The following NCK2 variants were observed in gnomAD, a reference collection of about 807,000 sequenced individuals.
The protein encoded by NCK2 is NCK adaptor protein 2, also known as cytoplasmic protein NCK2.
Under a neutral mutation model 33.9 loss-of-function variants are expected in NCK2, and 16 were observed. The ratio of observed to expected loss-of-function variants is 0.47; its 90% confidence interval spans 0.32 to 0.72. NCK2 has a LOEUF of 0.72. Among genes scored for constraint, NCK2 ranks in the 30% least tolerant of loss-of-function variants. NCK2 has a pLI of 0.03. For synonymous variants in NCK2, 273 were observed against 239.9 expected (o/e 1.14, Z -1.27); for missense variants, 418 against 537.3 (o/e 0.78, Z 2.19).
Position 105,893,453 on chromosome 2 carries a change from T to G in NCK2, c.*277T>G. On this transcript the variant is annotated 3_prime_UTR_variant, in exon 5 of 5. Coordinates refer to ENST00000233154, the MANE Select transcript of NCK2 (RefSeq NM_003581.5). ...AAGTGGCGCTCGTGCATTCAACTCG[T>G]TCCCGCTCATGGAACCCCTCTTTAA... The G allele has an allele frequency of 4.8e-5, 17 of 354,054 alleles. No individual in the cohort carries two copies. Among genetic ancestry groups the G allele is most frequent in the East Asian group, 1.4e-4 (3 of 21,270 alleles). 21.9% of individuals were successfully genotyped at this position (354,054 alleles called of 1,614,324 possible).
intron 2 of NCK2, among the ~76,000 whole-genome samples, chr2:105,851,186 T>A (rs1260852680): frequency 6.6e-6 from 1 of 151,804 alleles, no homozygotes; most frequent in African/African-American, 2.4e-5. Flanking sequence ...TAACTCAGCT[T>A]CAGAACAAAA....
intron 2 of NCK2, among the ~76,000 whole-genome samples, chr2:105,832,847 T>TC (rs1491527989): frequency 1.5e-5 from 1 of 66,028 alleles, no homozygotes; most frequent in African/African-American, 1.2e-4. Context: ...TTCTCTTCTC[T>TC]TTTTTTTTTT....
At chr2:105,809,290 G>C (rs1398823685) in intron 1 of NCK2, among the ~76,000 whole-genome samples, 1 of 152,160 alleles carries the variant, frequency 6.6e-6, no homozygotes, top group Admixed American at 6.5e-5. Context: ...ATGTATGGTT[G>C]AGTCTCACAA....
At chr2:105,814,593 GTC>G (rs893239893) in intron 1 of NCK2, among the ~76,000 whole-genome samples, 8 of 152,172 alleles carry the variant, frequency 5.3e-5, no homozygotes, top group African/African-American at 1.7e-4. Flanking sequence ...GGCATAAGGA[GTC>G]TCTCCTCTGT....
intron 1 of NCK2, among the ~76,000 whole-genome samples, chr2:105,775,081 C>A (rs1303565913): frequency 1.3e-5 from 2 of 152,072 alleles, no homozygotes; most frequent in Admixed American, 1.3e-4. Context: ...TTGAGTCACA[C>A]CATGGTGTCT....
At chr2:105,808,719 A>G (rs981328706) in intron 1 of NCK2, among the ~76,000 whole-genome samples, 2 of 152,230 alleles carry the variant, frequency 1.3e-5, no homozygotes, top group African/African-American at 2.4e-5. Context: ...ATTTGTGGAC[A>G]TGACTTGGAT....
chr2:105,889,580 TTTTTTTTTTTTTA>T (rs1678883813), intron 4 of NCK2, among the ~76,000 whole-genome samples: 3 of 151,326 alleles, frequency 2.0e-5, no homozygotes, highest in Admixed American at 6.6e-5. Context: ...TCTTTTTTTT[TTTTTTTTTTTTTA>T]ATTATTTTGA....
At chr2:105,772,895 AT>A (rs34721498) in intron 1 of NCK2, among the ~76,000 whole-genome samples, 57,133 of 132,832 alleles carry the variant, frequency 0.43, 12,144 homozygotes, top group African/African-American at 0.54. Flanking sequence ...ACGTGTCCAC[AT>A]TTTTTTTTTT....
intron 2 of NCK2, among the ~76,000 whole-genome samples, chr2:105,849,866 G>T (rs928546297): frequency 2.0e-5 from 3 of 152,270 alleles, no homozygotes; most frequent in Non-Finnish European, 4.4e-5. Flanking sequence ...TATTCATTAT[G>T]ACTGTAGTTG....
chr2:105,824,864 A>T (rs1461081109), intron 2 of NCK2, among the ~76,000 whole-genome samples: 1 of 152,178 alleles, frequency 6.6e-6, no homozygotes, highest in African/African-American at 2.4e-5. Flanking sequence ...GTGGGAAAAC[A>T]TGCTCAGCAT....
chr2:105,748,816 C>G (rs1014596524), intron 1 of NCK2, among the ~76,000 whole-genome samples: 2 of 152,104 alleles, frequency 1.3e-5, no homozygotes, highest in African/African-American at 4.8e-5. Flanking sequence ...GCAACAAATA[C>G]TTATTGAATA....
chr2:105,745,527 G>A (rs1054931035), intron 1 of NCK2, among the ~76,000 whole-genome samples: 61 of 152,218 alleles, frequency 4.0e-4, no homozygotes, highest in Middle Eastern at 3.4e-3. Context: ...CACGGAGCTC[G>A]GGGCTAGCGT....
At chr2:105,839,807 A>G (rs1052094270) in intron 2 of NCK2, among the ~76,000 whole-genome samples, 11 of 152,202 alleles carry the variant, frequency 7.2e-5, no homozygotes, top group African/African-American at 2.4e-4. Context: ...GGAGGCTCCT[A>G]GACGGCCTGG....
intron 1 of NCK2, among the ~76,000 whole-genome samples, chr2:105,792,515 T>C (rs1690923797): frequency 6.6e-6 from 1 of 152,172 alleles, no homozygotes; most frequent in African/African-American, 2.4e-5. Flanking sequence ...TGTCTCAAAA[T>C]GTTATTTACA....
chr2:105,835,424 T>TATACGTATATATATATATA (rs1553458625), intron 2 of NCK2, among the ~76,000 whole-genome samples: 5 of 122,532 alleles, frequency 4.1e-5, no homozygotes, highest in Non-Finnish European at 7.2e-5. Flanking sequence ...TATATATATA[T>TATACGTATATATATATATA]TTTTTTTTTG....
chr2:105,753,190 A>G (rs1689507045), intron 1 of NCK2, among the ~76,000 whole-genome samples: 1 of 152,226 alleles, frequency 6.6e-6, no homozygotes, highest in Non-Finnish European at 1.5e-5. Context: ...ATTGATAGGG[A>G]GTGTAGCTTG....
At chr2:105,810,004 A>G (rs1293558894) in intron 1 of NCK2, among the ~76,000 whole-genome samples, 1 of 152,028 alleles carries the variant, frequency 6.6e-6, no homozygotes, top group Non-Finnish European at 1.5e-5. Flanking sequence ...CTGAAAGGAG[A>G]GTGGGTGCTG....
At chr2:105,877,704 A>C (rs1678295070) in intron 3 of NCK2, among the ~76,000 whole-genome samples, 1 of 152,140 alleles carries the variant, frequency 6.6e-6, no homozygotes, top group Non-Finnish European at 1.5e-5. Context: ...TCCTATAGAA[A>C]TCATATTACA....
At chr2:105,750,037 A>ACACACACACACACACACACAC (rs1553449506) in intron 1 of NCK2, among the ~76,000 whole-genome samples, 4 of 144,552 alleles carry the variant, frequency 2.8e-5, no homozygotes, top group East Asian at 2.1e-4. Context: ...AAAGCAAACA[A>ACACACACACACACACACACAC]ACACACACAC....
Sources: gnomAD v4.1 joint callset for allele counts (sites outside exome capture counted in the v4.1 genomes callset) on GRCh38, gnomAD v4.1.1 for gene constraint, MANE v1.5 for transcripts, NCBI Gene and HGNC (gene_info 2026-07-23, HGNC 2026-07-21) for gene names.